Variants in FAT4 observed in about 807,000 individuals in gnomAD.
FAT4 encodes FAT atypical cadherin 4.
In FAT4, 84 loss-of-function variants were observed where a neutral mutation model predicts 303.9. The ratio of observed to expected loss-of-function variants is 0.28; its 90% CI spans 0.23 to 0.33. The LOEUF is 0.33. Ranked by LOEUF, FAT4 falls within the 10% of genes least tolerant of loss-of-function variation. The pLI is 1.00. For synonymous variants in FAT4, 2,307 were observed against 2,298.8 expected (o/e 1.00, Z -0.10); for missense variants, 6,005 against 6,146.8 (o/e 0.98, Z 0.77).
rs1282764890 is a variant in FAT4 at position 125,452,321 on chromosome 4, A to T, written c.11311A>T (p.Asn3771Tyr). Residue 3771 changes from asparagine to tyrosine, a missense_variant, in exon 10 of 18, where the codon AAT (asparagine) becomes TAT (tyrosine). Coordinates refer to ENST00000394329, the MANE Select transcript of FAT4 (RefSeq NM_001291303.3). ...GTTTCTTTTGGCAGCTGTGAAGCGA[A>T]ATCATAATCAGTATGTGAATCCCAG... is the stretch of plus-strand genomic sequence containing the variant. ...RTFLLAAVKRNHNQYVNPSGV... is the reference protein window; with the variant it reads ...RTFLLAAVKRYHNQYVNPSGV... 1 of 1,614,238 alleles carries T rather than the reference A, an allele frequency of 6.2e-7. No homozygotes were observed. The highest frequency in any genetic ancestry group is 1.7e-5 in the Admixed American group (1 of 60,026).
intron 2 of FAT4, among the ~76,000 whole-genome samples, chr4:125,349,515 C>A (rs1343860648): frequency 6.6e-6 from 1 of 151,652 alleles, no homozygotes; most frequent in African/African-American, 2.4e-5. Flanking sequence ...CTATCTATAA[C>A]AAGCTTTGGA....
chr4:125,484,958 T>C (rs1280624363), intron 16 of FAT4, among the ~76,000 whole-genome samples: 1 of 151,910 alleles, frequency 6.6e-6, no homozygotes, highest in African/African-American at 2.4e-5. Context: ...GCTCAATGTA[T>C]CCTCCCACCT....
chr4:125,450,010 T>C lies in FAT4; in HGVS notation c.9000T>C (p.Val3000=), dbSNP rs1725991372. Residue 3000 remains valine, a synonymous_variant, in exon 10 of 18, where the codon GTT becomes GTC. Coordinates refer to ENST00000394329, the MANE Select transcript of FAT4 (RefSeq NM_001291303.3). ...CTCCAGTCACCAAAAATGTTAAGGT[T>C]GGTACGAAGTTAATCAGAGTTACAG... ...YFTPVTKNVK[V]GTKLIRVTAI... is the part of the protein sequence containing the mutation. The C allele has an allele frequency of 6.2e-7, 1 of 1,613,930 alleles. No individual in the cohort carries two copies.
chr4:125,336,812 T>A (rs1027575182), intron 2 of FAT4, among the ~76,000 whole-genome samples: 3 of 135,902 alleles, frequency 2.2e-5, no homozygotes, highest in African/African-American at 8.6e-5. Flanking sequence ...TTAGAACAAA[T>A]TTAATTATAC....
rs756816700 is a variant in FAT4, at chr4:125,487,383, A to C, written c.12861A>C (p.Gly4287=). 29 of 1,613,790 alleles carry C rather than the reference A, an allele frequency of 1.8e-5. No homozygotes were observed. Among genetic ancestry groups the C allele is most frequent in the Non-Finnish European group, 2.4e-5 (28 of 1,179,818 alleles). Residue 4287 remains glycine, a synonymous_variant, in exon 17 of 18, where the codon GGA becomes GGC. Transcript: ENST00000394329. ...AAGTATATTTTACATCCGATGCAGGAATTGCTGGGAAAGTGGAGAGAAATA... is the reference window on the plus strand; with the variant it reads ...AAGTATATTTTACATCCGATGCAGGCATTGCTGGGAAAGTGGAGAGAAATA... The part of the protein sequence containing the change: ...NGKVYFTSDA[G]IAGKVERNIP...
chr4:125,390,046 AG>A (rs1325313720), intron 2 of FAT4, among the ~76,000 whole-genome samples: 1 of 152,214 alleles, frequency 6.6e-6, no homozygotes, highest in African/African-American at 2.4e-5. Context: ...CACCCAAAAT[AG>A]GGAAAAAAAT....
chr4:125,481,823 C>A, intron 16 of FAT4, 85 bp downstream of exon 16: 1 of 1,194,074 alleles, frequency 8.4e-7, no homozygotes, highest in Non-Finnish European at 1.2e-6. Context: ...AATTTCTGTC[C>A]TTTTCTTTAC....
At chr4:125,398,666 T>C (rs1481283090) in intron 2 of FAT4, 118 bp from the exon 3 acceptor site, 1 of 953,544 alleles carries the variant, frequency 1.0e-6, no homozygotes, top group African/African-American at 1.6e-5. Flanking sequence ...GGATGTTAGA[T>C]GCAAAGGTTC....
chr4:125,407,725 T>G (rs1319155189), intron 4 of FAT4, among the ~76,000 whole-genome samples: 1 of 152,160 alleles, frequency 6.6e-6, no homozygotes, highest in East Asian at 1.9e-4. Context: ...TAATCTTGCT[T>G]CTTTGAACAT....
intron 7 of FAT4, among the ~76,000 whole-genome samples, chr4:125,429,958 A>G (rs1223653416): frequency 6.6e-6 from 1 of 152,074 alleles, no homozygotes; most frequent in Non-Finnish European, 1.5e-5. Flanking sequence ...TACTCCGGAG[A>G]ACCTCTCCAC....
chr4:125,387,256 G>T (rs906794), intron 2 of FAT4, among the ~76,000 whole-genome samples: 150,897 of 152,314 alleles, frequency 0.99, 74,756 homozygotes, highest in East Asian at 1. Context: ...TTGCATCAAA[G>T]AATAGAAATG....
chr4:125,435,803 C>T (rs1326368713), intron 8 of FAT4, among the ~76,000 whole-genome samples: 2 of 152,040 alleles, frequency 1.3e-5, no homozygotes, highest in East Asian at 1.9e-4. Flanking sequence ...TGAGAAACTA[C>T]TGGGGAGTTT....
At chr4:125,393,828 T>C (rs1320863115) in intron 2 of FAT4, 2 of 605,106 alleles carry the variant, frequency 3.3e-6, no homozygotes, top group Non-Finnish European at 6.1e-6. Flanking sequence ...GCTCCTTTAA[T>C]CTCAGTCATG....
At position 125,491,148 on chromosome 4, in the gene FAT4, C is replaced by G. The variant is rs1305010527; in HGVS notation, c.14332C>G (p.Gln4778Glu). ...GAGTCGCCTAAAGCAGCCGATTGGG[C>G]AGATTCCACTGGAATCTTCTCCTCC... The part of the protein sequence containing the change: ...PGSRLKQPIG[Q>E]IPLESSPPVG... The change falls in exon 18 of 18, where the codon CAG (glutamine) becomes GAG (glutamate). Residue 4778 changes from glutamine (Q) to glutamate (E), a missense_variant. Coordinates refer to ENST00000394329, the MANE Select transcript of FAT4 (RefSeq NM_001291303.3). 6.2e-7 allele frequency: 1 copy of G among 1,614,144 alleles called. No individual in the cohort carries two copies. Among genetic ancestry groups the G allele is most frequent in the Admixed American group, 1.7e-5 (1 of 60,028 alleles).
At chr4:125,403,414 A>T (rs764359050) in intron 3 of FAT4, among the ~76,000 whole-genome samples, 2 of 152,016 alleles carry the variant, frequency 1.3e-5, no homozygotes, top group South Asian at 2.1e-4. Flanking sequence ...GAATTAAGAA[A>T]TATCTCTCTT....
intron 11 of FAT4, among the ~76,000 whole-genome samples, chr4:125,468,025 A>G (rs763968118): frequency 3.9e-5 from 6 of 152,222 alleles, no homozygotes; most frequent in Admixed American, 1.3e-4. Flanking sequence ...TTAGCCAGGC[A>G]TGGTTCCCGG....
chr4:125,403,265 T>C (rs567450478), intron 3 of FAT4, among the ~76,000 whole-genome samples: 9 of 152,168 alleles, frequency 5.9e-5, no homozygotes, highest in African/African-American at 2.2e-4. Context: ...AAACATGGGC[T>C]TGGAGAGGTT....
rs1190156887 is a variant in FAT4 at position 125,343,647 on chromosome 4, C to T, written c.5175+22061C>T. ...AAGAACTTTACTGCTCAAGAATATA[C>T]GTTAAAAATACATATTGACCCAGCT... is the stretch of plus-strand genomic sequence containing the variant. On this transcript the variant is annotated intron_variant, in intron 2 of 17. Transcript: ENST00000394329. 3.3e-5 allele frequency among the ~76,000 whole-genome samples: 5 copies of T among 152,004 alleles called. No homozygotes were observed. The South Asian group carries it at 6.2e-4, about 19-fold the overall frequency.
At position 125,318,509 on chromosome 4, in the gene FAT4, G is replaced by A. The variant is rs1367340967; in HGVS notation, c.2098G>A (p.Glu700Lys). The A allele has an allele frequency of 2.5e-6, 4 of 1,614,026 alleles. No individual in the cohort carries two copies. Among genetic ancestry groups the A allele is most frequent in the Non-Finnish European group, 2.5e-6 (3 of 1,180,038 alleles). ...YPVQYFAHIK[E>K]NEPGGSYITT... The stretch of plus-strand genomic sequence containing the variant: ...GGTCCAATACTTTGCTCACATTAAG[G>A]AGAATGAGCCTGGAGGTAGCTACAT... Residue 700 changes from glutamate (E) to lysine (K), a missense_variant, in exon 2 of 18, where the codon GAG (glutamate) becomes AAG (lysine). Physicochemically the swap from Glu to Lys is moderately conservative, Grantham distance 56. Coordinates refer to ENST00000394329, the MANE Select transcript of FAT4 (RefSeq NM_001291303.3).
Sources: allele counts gnomAD v4.1 joint callset (sites outside exome capture counted in the v4.1 genomes callset), GRCh38; gene constraint gnomAD v4.1.1; transcripts MANE v1.5; gene names NCBI Gene and HGNC (gene_info 2026-07-23, HGNC 2026-07-21).